Variants in ARHGAP40 observed in about 807,000 individuals in gnomAD.
ARHGAP40 encodes Rho GTPase activating protein 40.
A neutral mutation model predicts 73.5 loss-of-function variants in ARHGAP40; 43 were observed. That is an observed-to-expected ratio of 0.58 (90% CI 0.46 to 0.75). The LOEUF (loss-of-function observed/expected upper bound fraction) is 0.75. Ranked by LOEUF, ARHGAP40 falls within the 30% of genes least tolerant of loss-of-function variation. ARHGAP40 has a pLI of 0.00. For missense variants in ARHGAP40, 734 were observed against 861.8 expected (o/e 0.85, Z 1.86); for synonymous variants, 300 against 352.8 (o/e 0.85, Z 1.68).
At chr20:38,644,477 G>A (rs2089039451) in intron 11 of ARHGAP40, among the ~76,000 whole-genome samples, 1 of 152,130 alleles carries the variant, frequency 6.6e-6, no homozygotes, top group Non-Finnish European at 1.5e-5. Flanking sequence ...TGACCAGGCT[G>A]CTTTCTCACC....
chr20:38,605,718 G>C lies in ARHGAP40; in HGVS notation c.137+3639G>C, dbSNP rs73099947. On this transcript the variant is annotated intron_variant, in intron 1 of 14. Coordinates refer to ENST00000373345, the Ensembl canonical transcript of ARHGAP40. ...AAGTGTACATCCTATAGGATTTTGTGCTTCATAAATATTTACATACATGTA... is the reference window on the plus strand; with the variant it reads ...AAGTGTACATCCTATAGGATTTTGTCCTTCATAAATATTTACATACATGTA... Among the ~76,000 whole-genome samples the C allele has an allele frequency of 8.6e-3, 1,312 of 152,246 alleles. 5 individuals carry two copies. Among genetic ancestry groups the C allele is most frequent in the Non-Finnish European group, 0.013 (876 of 68,018 alleles).
chr20:38,602,364 C>T (rs1334741031), intron 1 of ARHGAP40, among the ~76,000 whole-genome samples: 1 of 151,244 alleles, frequency 6.6e-6, no homozygotes, highest in Non-Finnish European at 1.5e-5. Flanking sequence ...TCTTAGAGAC[C>T]GTGAGTGACG....
intron 5 of ARHGAP40, among the ~76,000 whole-genome samples, chr20:38,630,233 T>C (rs79180110): frequency 1.3e-5 from 2 of 150,222 alleles, no homozygotes; most frequent in African/African-American, 5.0e-5. Context: ...CTTTTTTTTT[T>C]CTTTGAGACA....
chr20:38,635,757 T>C (rs1288329125), intron 6 of ARHGAP40, among the ~76,000 whole-genome samples: 2 of 152,084 alleles, frequency 1.3e-5, no homozygotes, highest in Non-Finnish European at 2.9e-5. Flanking sequence ...TAGAACATTA[T>C]ATATAATAGA....
At chr20:38,616,421 G>A (rs2145597774) in intron 1 of ARHGAP40, among the ~76,000 whole-genome samples, 1 of 152,326 alleles carries the variant, frequency 6.6e-6, no homozygotes, top group East Asian at 1.9e-4. Flanking sequence ...GAGCTCAGCT[G>A]ATCAGAGGCA....
chr20:38,648,789 A>G, intron 14 of ARHGAP40, 91 bp downstream of exon 14: 2 of 1,053,320 alleles, frequency 1.9e-6, no homozygotes, highest in Non-Finnish European at 2.6e-6. Context: ...GTGGGAGGCC[A>G]GAGTAGGCCT....
exon 3 of ARHGAP40, chr20:38,627,180 G>T: frequency 7.7e-7 from 1 of 1,305,496 alleles, no homozygotes; most frequent in Non-Finnish European, 1.0e-6. Flanking sequence ...ACCTGTCAGA[G>T]ATGTCAGGGA....
At chr20:38,618,635 C>A (rs1432594487) in intron 1 of ARHGAP40, among the ~76,000 whole-genome samples, 1 of 152,126 alleles carries the variant, frequency 6.6e-6, no homozygotes. Context: ...AGTTTCTCCA[C>A]TCATGTGTCT....
At chr20:38,639,778 G>T (rs972110941) in intron 9 of ARHGAP40, among the ~76,000 whole-genome samples, 5 of 152,236 alleles carry the variant, frequency 3.3e-5, no homozygotes, top group Non-Finnish European at 7.3e-5. Context: ...CCATCTGTGT[G>T]CACATCTGCA....
At chr20:38,603,883 A>T (rs760522096) in intron 1 of ARHGAP40, among the ~76,000 whole-genome samples, 3 of 152,196 alleles carry the variant, frequency 2.0e-5, no homozygotes, top group Non-Finnish European at 4.4e-5. Context: ...CTCCACAGTC[A>T]TCCCCATGTC....
At chr20:38,607,604 C>T (rs1273994677) in intron 1 of ARHGAP40, among the ~76,000 whole-genome samples, 2 of 152,220 alleles carry the variant, frequency 1.3e-5, no homozygotes, top group African/African-American at 4.8e-5. Flanking sequence ...AGTTAGGCTG[C>T]CGCCCTTCAC....
intron 3 of ARHGAP40, among the ~76,000 whole-genome samples, chr20:38,628,110 C>A (rs184560623): frequency 1.2e-3 from 186 of 152,318 alleles, no homozygotes; most frequent in Admixed American, 0.01. Context: ...AGCTCAGGAG[C>A]AGTTCTGCCT....
At chr20:38,611,625 T>G (rs2088805586) in intron 1 of ARHGAP40, among the ~76,000 whole-genome samples, 2 of 151,998 alleles carry the variant, frequency 1.3e-5, no homozygotes, top group South Asian at 2.1e-4. Context: ...TCGCCCAGGC[T>G]GGAGTGCAGT....
intron 1 of ARHGAP40, among the ~76,000 whole-genome samples, chr20:38,614,167 AC>A (rs1355968332): frequency 6.6e-6 from 1 of 152,180 alleles, no homozygotes; most frequent in East Asian, 1.9e-4. Context: ...GTCATCATGT[AC>A]TAAGTTATGT....
At chr20:38,640,218 CT>C (rs1332037073) in intron 9 of ARHGAP40, among the ~76,000 whole-genome samples, 152 of 91,080 alleles carry the variant, frequency 1.7e-3, no homozygotes, top group Admixed American at 2.4e-3. Flanking sequence ...TTCTTTCTTT[CT>C]TTTTTTTTTT....
chr20:38,609,534 G>C (rs2088792382), intron 1 of ARHGAP40, among the ~76,000 whole-genome samples: 1 of 152,206 alleles, frequency 6.6e-6, no homozygotes, highest in Non-Finnish European at 1.5e-5. Context: ...TGGTCTCAAA[G>C]AGATCCCAGA....
chr20:38,629,438 AG>A (rs1441283480), intron 4 of ARHGAP40, 63 bp from the exon 5 acceptor site: 1 of 1,297,058 alleles, frequency 7.7e-7, no homozygotes, highest in East Asian at 5.6e-5. Flanking sequence ...CCCGAACCCA[AG>A]CACTTGCTTC....
intron 1 of ARHGAP40, among the ~76,000 whole-genome samples, chr20:38,610,488 T>C (rs2088797879): frequency 6.6e-6 from 1 of 152,226 alleles, no homozygotes. Flanking sequence ...TCAAGAGGTC[T>C]GAGAAGGTGT....
chr20:38,624,283 C>G (rs7348733), intron 2 of ARHGAP40, among the ~76,000 whole-genome samples: 4,323 of 152,182 alleles, frequency 0.028, 230 homozygotes, highest in African/African-American at 0.1. Flanking sequence ...TGGGCTTCCT[C>G]ACAGCATGGC....
Sources: allele counts gnomAD v4.1 joint callset (sites outside exome capture counted in the v4.1 genomes callset), GRCh38; gene constraint gnomAD v4.1.1; transcripts MANE v1.5; gene names NCBI Gene and HGNC (gene_info 2026-07-23, HGNC 2026-07-21).